The following MYZAP variants were observed in gnomAD, a reference collection of about 807,000 sequenced individuals.
The protein encoded by MYZAP is myocardial zonula adherens protein.
Under a neutral mutation model 69.4 loss-of-function variants are expected in MYZAP, and 66 were observed. That is an observed-to-expected ratio of 0.95 (90% CI 0.78 to 1.17). MYZAP has a LOEUF of 1.17. MYZAP is among the 50% of genes most tolerant of loss of function. MYZAP has a pLI of 0.00. For synonymous variants in MYZAP, 256 were observed against 205.9 expected, an observed-to-expected ratio of 1.24 and a Z score of -2.09; for missense variants, 611 against 556.2, an observed-to-expected ratio of 1.10 and a Z score of -0.99.
At chr15:57,645,016 C>T (rs921491360) in intron 10 of MYZAP, among the ~76,000 whole-genome samples, 27 of 152,234 alleles carry the variant, frequency 1.8e-4, no homozygotes, top group African/African-American at 6.3e-4. Context: ...CACGTGTCTG[C>T]CTCGCCCTGC....
Position 57,621,715 on chromosome 15 carries a change from C to T in MYZAP, c.411+15C>T, listed in dbSNP as rs755271606. 6.2e-7 allele frequency: 1 copy of T among 1,612,746 alleles called. No homozygotes were observed. Among genetic ancestry groups the T allele is most frequent in the Non-Finnish European group, 8.5e-7 (1 of 1,179,080 alleles). ...AGGAACTATCAGTAAGTCATTATCT[C>T]AGTTGCTTGGAGATAGGGAGGCATG... On this transcript the variant is annotated intron_variant, in intron 4 of 12. Transcript: ENST00000267853.
At chr15:57,625,070 T>A (rs950524039) in intron 4 of MYZAP, among the ~76,000 whole-genome samples, 5 of 151,302 alleles carry the variant, frequency 3.3e-5, no homozygotes, top group African/African-American at 9.7e-5. Flanking sequence ...TTTTTTTTTT[T>A]AAATGAGACG....
At chr15:57,667,550 G>A (rs2038640890) in intron 11 of MYZAP, among the ~76,000 whole-genome samples, 1 of 152,152 alleles carries the variant, frequency 6.6e-6, no homozygotes, top group African/African-American at 2.4e-5. Context: ...GCTATTCTTT[G>A]TCGTTCCACT....
intron 10 of MYZAP, among the ~76,000 whole-genome samples, chr15:57,654,880 T>C (rs1238558989): frequency 1.4e-5 from 2 of 141,412 alleles, no homozygotes; most frequent in African/African-American, 5.2e-5. Context: ...TTGGGGGGAC[T>C]TTTTTTTTTT....
intron 5 of MYZAP, among the ~76,000 whole-genome samples, chr15:57,626,485 C>T (rs551831315): frequency 2.6e-5 from 4 of 152,304 alleles, no homozygotes; most frequent in African/African-American, 9.6e-5. Flanking sequence ...ATTTGGTTTA[C>T]AGGAGCTAAC....
At chr15:57,640,809 G>A (rs1476756598) in intron 10 of MYZAP, among the ~76,000 whole-genome samples, 2 of 152,158 alleles carry the variant, frequency 1.3e-5, no homozygotes, top group Non-Finnish European at 2.9e-5. Context: ...AAGTTTCTGG[G>A]GAGCAGTGGA....
chr15:57,679,770 C>T (rs987969090), intron 12 of MYZAP, among the ~76,000 whole-genome samples: 1 of 152,210 alleles, frequency 6.6e-6, no homozygotes, highest in African/African-American at 2.4e-5. Context: ...CACCTCTCCC[C>T]TCTGTGGCTG....
chr15:57,620,124 G>A (rs1185900363), intron 3 of MYZAP, among the ~76,000 whole-genome samples: 2 of 152,120 alleles, frequency 1.3e-5, no homozygotes, highest in African/African-American at 4.8e-5. Flanking sequence ...TGCCTGCCTA[G>A]AATGAAAAGT....
chr15:57,614,776 T>A (rs2035325855), intron 2 of MYZAP, among the ~76,000 whole-genome samples: 1 of 152,026 alleles, frequency 6.6e-6, no homozygotes, highest in Non-Finnish European at 1.5e-5. Flanking sequence ...AGCATTGTAG[T>A]GAAAAAAGAA....
rs371110624 is a variant in MYZAP, at chr15:57,632,456, A to T, written c.701A>T (p.Asn234Ile). The T allele has an allele frequency of 2.5e-6, 4 of 1,614,072 alleles. No individual in the cohort carries two copies. In the African/African-American group the frequency reaches 5.3e-5, roughly 22 times the overall value. ...TAGGTGGAATCGTCCCAAGAAGCCA[A>T]TGCTGAGGTGATGCGAGAGATGACC... is the stretch of plus-strand genomic sequence containing the variant. ...KMKVESSQEANAEVMREMTKK... is the reference protein window; with the variant it reads ...KMKVESSQEAIAEVMREMTKK... Residue 234 changes from asparagine to isoleucine, a missense_variant, in exon 7 of 13, where the codon AAT becomes ATT. Coordinates refer to ENST00000267853, the MANE Select transcript of MYZAP (RefSeq NM_001018100.5).
chr15:57,655,250 C>T (rs2037951584), intron 10 of MYZAP, among the ~76,000 whole-genome samples: 1 of 152,074 alleles, frequency 6.6e-6, no homozygotes, highest in Non-Finnish European at 1.5e-5. Context: ...AATGGAGCCA[C>T]CAGCCTGTGT....
intron 8 of MYZAP, among the ~76,000 whole-genome samples, chr15:57,634,439 A>C (rs796393827): frequency 6.6e-6 from 1 of 152,184 alleles, no homozygotes; most frequent in Admixed American, 6.5e-5. Context: ...CCCTGGCTGC[A>C]TATGAGTTTG....
At position 57,682,782 on chromosome 15, in the gene MYZAP, C is replaced by G. The variant is rs553354744; in HGVS notation, c.1305-1620C>G. Among the ~76,000 whole-genome samples, 3 of 152,286 alleles carry G rather than the reference C, an allele frequency of 2.0e-5. No homozygotes were observed. The South Asian group carries it at 6.2e-4, about 32-fold the overall frequency. ...AGCACATGGTTTGCAGTTCCACATC[C>G]ACAAACTGTGTGCTCACCCATCTCT... is the stretch of plus-strand genomic sequence containing the variant. On this transcript the variant is annotated intron_variant, in intron 12 of 12. Transcript: ENST00000267853.
intron 8 of MYZAP, among the ~76,000 whole-genome samples, chr15:57,634,945 T>C (rs1164799216): frequency 6.6e-6 from 1 of 152,164 alleles, no homozygotes; most frequent in Non-Finnish European, 1.5e-5. Context: ...CCCACATTAT[T>C]GTCCTCCTAC....
intron 4 of MYZAP, among the ~76,000 whole-genome samples, chr15:57,624,796 A>G (rs1361097347): frequency 6.6e-6 from 1 of 152,182 alleles, no homozygotes; most frequent in African/African-American, 2.4e-5. Context: ...CACACTGCTG[A>G]ACACAAAGCT....
chr15:57,652,825 A>G (rs1457104786), intron 10 of MYZAP, among the ~76,000 whole-genome samples: 3 of 152,188 alleles, frequency 2.0e-5, no homozygotes, highest in South Asian at 4.1e-4. Context: ...GGGATCTTCA[A>G]AGTATTTCCT....
At chr15:57,625,436 A>T (rs116926873) in intron 4 of MYZAP, among the ~76,000 whole-genome samples, 2,254 of 152,278 alleles carry the variant, frequency 0.015, 30 homozygotes, top group South Asian at 0.045. Context: ...AAGTTATTTC[A>T]ACTGGGTTCT....
rs1225201169 is a variant in MYZAP at position 57,646,237 on chromosome 15, G to C, written c.1119+6692G>C. ...GTTGGAAGCGATTCCTTTATTGTTCGTGATTAGAAGAACACTTGTACACTC... is the reference window on the plus strand; with the variant it reads ...GTTGGAAGCGATTCCTTTATTGTTCCTGATTAGAAGAACACTTGTACACTC... On this transcript the variant is annotated intron_variant, in intron 10 of 12. Transcript: ENST00000267853. The C allele has an allele frequency of 3.9e-6, 5 of 1,288,896 alleles. No homozygotes were observed. In the Admixed American group the frequency reaches 1.1e-4, roughly 30 times the overall value. The allele number at this position is 1,288,896 out of a possible 1,614,324, so 79.8% of individuals were successfully genotyped here. A position where few individuals can be genotyped will look rare whatever the true frequency, so the allele number is the denominator to read the frequency against.
At chr15:57,653,359 A>G (rs569363038) in intron 10 of MYZAP, among the ~76,000 whole-genome samples, 1 of 152,336 alleles carries the variant, frequency 6.6e-6, no homozygotes, top group East Asian at 1.9e-4. Context: ...ATCCAGGGAA[A>G]TGGTGAACTG....
Sources: gnomAD v4.1 joint callset for allele counts (sites outside exome capture counted in the v4.1 genomes callset) on GRCh38, gnomAD v4.1.1 for gene constraint, MANE v1.5 for transcripts, NCBI Gene and HGNC (gene_info 2026-07-23, HGNC 2026-07-21) for gene names.